Variants in RPTOR observed in about 807,000 individuals in gnomAD.
The protein encoded by RPTOR is regulatory associated protein of MTOR complex 1.
A neutral mutation model predicts 169.9 loss-of-function variants in RPTOR; 21 were observed. The observed-to-expected ratio is 0.12, with a 90% CI of 0.09 to 0.18. The LOEUF (loss-of-function observed/expected upper bound fraction) is 0.18, where lower values mean the gene tolerates loss of function less well. RPTOR is among the 10% of genes least tolerant of loss of function. The pLI is 1.00. For synonymous variants in RPTOR, 732 were observed against 753.2 expected (o/e 0.97, Z 0.46); for missense variants, 1,133 against 1,855.9 (o/e 0.61, Z 7.16).
At position 80,718,432 on chromosome 17, in the gene RPTOR, G is replaced by A. The variant is rs114696088; in HGVS notation, c.507+10433G>A. On this transcript the variant is annotated intron_variant, in intron 4 of 33. Transcript: ENST00000306801. Reference sequence around the variant, plus strand: ...ACAGACGGAAAGCAAAGACTGTTTTGTTCTGATTGTTGGTTATAAGTCTAG... The same window carrying A: ...ACAGACGGAAAGCAAAGACTGTTTTATTCTGATTGTTGGTTATAAGTCTAG... 3.9e-3 allele frequency among the ~76,000 whole-genome samples: 594 copies of A among 152,258 alleles called. 4 individuals carry two copies. Among genetic ancestry groups the A allele is most frequent in the African/African-American group, 0.013 (527 of 41,540 alleles).
At chr17:80,671,224 C>G (rs987002578) in intron 3 of RPTOR, among the ~76,000 whole-genome samples, 4 of 152,214 alleles carry the variant, frequency 2.6e-5, no homozygotes, top group Admixed American at 6.5e-5. Context: ...GCTCTTCGTC[C>G]TTGTGCTGCC....
intron 20 of RPTOR, among the ~76,000 whole-genome samples, chr17:80,902,609 A>G (rs994888961): frequency 3.3e-5 from 5 of 152,222 alleles, no homozygotes; most frequent in Admixed American, 2.0e-4. Context: ...CTCTGCACTT[A>G]TCTGTGTTCC....
intron 5 of RPTOR, among the ~76,000 whole-genome samples, chr17:80,748,243 G>A (rs1179754743): frequency 4.2e-5 from 3 of 71,260 alleles, no homozygotes; most frequent in African/African-American, 1.6e-4. Flanking sequence ...GAGGGGCTGC[G>A]GTGTGTGTTT....
chr17:80,616,298 C>CGTTTTT (rs2065309231), intron 1 of RPTOR, among the ~76,000 whole-genome samples: 1 of 113,272 alleles, frequency 8.8e-6, no homozygotes, highest in Non-Finnish European at 1.7e-5. Flanking sequence ...AATTGAAAAT[C>CGTTTTT]TTTTTTTTTT....
chr17:80,786,103 A>G (rs916936434), intron 6 of RPTOR, among the ~76,000 whole-genome samples: 3 of 152,210 alleles, frequency 2.0e-5, no homozygotes, highest in Non-Finnish European at 4.4e-5. Context: ...AGGTCATAGC[A>G]GAGGCCGCTT....
At chr17:80,777,525 T>G (rs1477397989) in intron 6 of RPTOR, among the ~76,000 whole-genome samples, 1 of 150,808 alleles carries the variant, frequency 6.6e-6, no homozygotes, top group African/African-American at 2.4e-5. Flanking sequence ...GGCATCTTTT[T>G]ATGGGCTTAT....
intron 1 of RPTOR, among the ~76,000 whole-genome samples, chr17:80,621,500 C>T (rs2065354198): frequency 6.6e-6 from 1 of 152,208 alleles, no homozygotes; most frequent in Non-Finnish European, 1.5e-5. Context: ...AGCCCCGAGA[C>T]GCAGAGGAGG....
At chr17:80,647,335 T>C (rs889993978) in intron 3 of RPTOR, among the ~76,000 whole-genome samples, 6 of 152,308 alleles carry the variant, frequency 3.9e-5, no homozygotes, top group East Asian at 1.9e-4. Context: ...CCATCATAAG[T>C]CTCAAATGAA....
At chr17:80,812,696 G>A (rs2067285401) in intron 7 of RPTOR, among the ~76,000 whole-genome samples, 1 of 152,196 alleles carries the variant, frequency 6.6e-6, no homozygotes, top group African/African-American at 2.4e-5. Flanking sequence ...TAGCCTGGCT[G>A]CCTTTCCTTG....
intron 4 of RPTOR, among the ~76,000 whole-genome samples, chr17:80,722,469 G>T (rs763667544): frequency 6.6e-5 from 10 of 150,746 alleles, no homozygotes; most frequent in Non-Finnish European, 1.2e-4. Flanking sequence ...TCCCAAGCTG[G>T]GAAACTTTGG....
At position 80,677,868 on chromosome 17, in the gene RPTOR, G is replaced by A. The variant is rs548824295; in HGVS notation, c.349-29973G>A. On this transcript the variant is annotated intron_variant, in intron 3 of 33. Coordinates refer to ENST00000306801, the MANE Select transcript of RPTOR (RefSeq NM_020761.3). ...TGTATGGTGTGTTGTTGCGATGATC[G>A]TGGTAGCAGGATTGATATCAGTATT... Among the ~76,000 whole-genome samples the A allele has an allele frequency of 3.3e-5, 5 of 152,280 alleles. No individual in the cohort carries two copies. In the South Asian group the frequency reaches 8.3e-4, roughly 25 times the overall value.
chr17:80,884,420 G>A (rs890953818), intron 16 of RPTOR, among the ~76,000 whole-genome samples: 3 of 152,204 alleles, frequency 2.0e-5, no homozygotes, highest in African/African-American at 7.2e-5. Flanking sequence ...ATGCACCATT[G>A]CCTTCACTCT....
intron 7 of RPTOR, among the ~76,000 whole-genome samples, chr17:80,807,097 G>A (rs2143559876): frequency 6.6e-6 from 1 of 152,288 alleles, no homozygotes; most frequent in East Asian, 1.9e-4. Context: ...CTGAACAACT[G>A]TCTCTTGGTT....
At chr17:80,895,221 C>T (rs1297710937) in intron 20 of RPTOR, among the ~76,000 whole-genome samples, 1 of 152,230 alleles carries the variant, frequency 6.6e-6, no homozygotes, top group African/African-American at 2.4e-5. Flanking sequence ...CGGCCCCCAG[C>T]CTGGGCATCG....
chr17:80,798,650 T>C (rs2067124926), intron 7 of RPTOR, among the ~76,000 whole-genome samples: 1 of 152,084 alleles, frequency 6.6e-6, no homozygotes, highest in South Asian at 2.1e-4. Flanking sequence ...AGCGACACCC[T>C]ATGATGCGCA....
intron 7 of RPTOR, among the ~76,000 whole-genome samples, chr17:80,793,024 T>C (rs12453499): frequency 2.6e-4 from 40 of 152,228 alleles, no homozygotes; most frequent in Admixed American, 2.6e-3. Flanking sequence ...TTGGCCAGGC[T>C]GGTCTTGAAC....
intron 23 of RPTOR, 23 bp downstream of exon 23, chr17:80,923,696 TG>T (rs774910725): frequency 1.3e-6 from 2 of 1,555,186 alleles, no homozygotes; most frequent in Non-Finnish European, 1.7e-6. Flanking sequence ...GGCTGCCTGG[TG>T]ATCTGGACAC....
chr17:80,602,714 A>G (rs1243368117), intron 1 of RPTOR: 3 of 759,550 alleles, frequency 3.9e-6, no homozygotes, highest in Non-Finnish European at 7.1e-6. Flanking sequence ...TGGCCCAGAC[A>G]GCTTTGTTGA....
rs2084446211 is a variant in RPTOR at position 80,559,069 on chromosome 17, CTG to C, written c.162+13280_162+13281del. On this transcript the variant is annotated intron_variant, in intron 1 of 33. Coordinates refer to ENST00000306801, the MANE Select transcript of RPTOR (RefSeq NM_020761.3). ...AGCTTTCCATCTTCCCAGACTGAAA[CTG>C]TCTCCATTAAACACCAACTCCCCAT... is the stretch of plus-strand genomic sequence containing the variant. Among the ~76,000 whole-genome samples, 5 of 152,330 alleles carry C rather than the reference CTG, an allele frequency of 3.3e-5. No individual in the cohort carries two copies. In the South Asian group the frequency reaches 1.0e-3, roughly 32 times the overall value.
Sources: allele counts gnomAD v4.1 joint callset (sites outside exome capture counted in the v4.1 genomes callset), GRCh38; gene constraint gnomAD v4.1.1; transcripts MANE v1.5; gene names NCBI Gene and HGNC (gene_info 2026-07-23, HGNC 2026-07-21).